Variants in SETBP1 observed in about 807,000 individuals in gnomAD.
The protein encoded by SETBP1 is SET-binding protein.
A neutral mutation model predicts 101.0 loss-of-function variants in SETBP1; 9 were observed. The ratio of observed to expected loss-of-function variants is 0.09; its 90% CI spans 0.05 to 0.16. The LOEUF (loss-of-function observed/expected upper bound fraction) is 0.16. Ranked by LOEUF, SETBP1 falls within the 10% of genes least tolerant of loss-of-function variation. The pLI, the probability that SETBP1 is intolerant of heterozygous loss-of-function variation, is 1.00. For missense variants in SETBP1, 1,858 were observed against 2,033.8 expected (o/e 0.91, Z 1.66); for synonymous variants, 818 against 788.5 (o/e 1.04, Z -0.63).
At chr18:45,005,999 G>A (rs958312044) in intron 4 of SETBP1, among the ~76,000 whole-genome samples, 4 of 139,686 alleles carry the variant, frequency 2.9e-5, no homozygotes, top group Non-Finnish European at 1.5e-5. Context: ...TGTTGCCCAG[G>A]CTGGAGTGCA....
At chr18:44,876,631 C>G in intron 3 of SETBP1, 1 of 1,551,628 alleles carries the variant, frequency 6.4e-7, no homozygotes, top group Non-Finnish European at 8.7e-7. Flanking sequence ...ATTCAAAAAG[C>G]AATTCCTGTC....
chr18:45,062,292 G>C (rs1401411122), intron 5 of SETBP1, among the ~76,000 whole-genome samples: 3 of 152,208 alleles, frequency 2.0e-5, no homozygotes, highest in African/African-American at 4.8e-5. Context: ...ACGCCAGCCT[G>C]GTAGGGGTAG....
At chr18:44,752,512 T>C (rs2070406737) in intron 2 of SETBP1, among the ~76,000 whole-genome samples, 1 of 152,170 alleles carries the variant, frequency 6.6e-6, no homozygotes, top group Non-Finnish European at 1.5e-5. Context: ...TGCAGCATGT[T>C]TTTGCACTCC....
chr18:44,913,474 A>G (rs2070359304), intron 3 of SETBP1, among the ~76,000 whole-genome samples: 1 of 152,258 alleles, frequency 6.6e-6, no homozygotes, highest in African/African-American at 2.4e-5. Flanking sequence ...AGACATGCAT[A>G]GAGGGTGCAG....
chr18:44,893,503 A>G (rs761236608), intron 3 of SETBP1, among the ~76,000 whole-genome samples: 2 of 152,160 alleles, frequency 1.3e-5, no homozygotes, highest in African/African-American at 4.8e-5. Flanking sequence ...GCTGGTGCAC[A>G]TAGTTAGTAG....
At chr18:44,900,599 A>G (rs1236996948) in intron 3 of SETBP1, among the ~76,000 whole-genome samples, 1 of 152,210 alleles carries the variant, frequency 6.6e-6, no homozygotes, top group African/African-American at 2.4e-5. Flanking sequence ...AAATTCGTTC[A>G]CAATGAATGC....
intron 4 of SETBP1, among the ~76,000 whole-genome samples, chr18:44,996,639 T>C (rs886165600): frequency 6.6e-6 from 1 of 152,242 alleles, no homozygotes; most frequent in Admixed American, 6.5e-5. Flanking sequence ...CCATTTGTGC[T>C]TCCACATACT....
intron 3 of SETBP1, among the ~76,000 whole-genome samples, chr18:44,884,810 A>G (rs1180980061): frequency 6.6e-6 from 1 of 152,178 alleles, no homozygotes; most frequent in Non-Finnish European, 1.5e-5. Flanking sequence ...CCAAAAATAA[A>G]TGGCATGGGT....
At chr18:45,034,999 C>A (rs2073368176) in intron 4 of SETBP1, among the ~76,000 whole-genome samples, 1 of 151,476 alleles carries the variant, frequency 6.6e-6, no homozygotes, top group Non-Finnish European at 1.5e-5. Flanking sequence ...TTCAAATGCC[C>A]CCCCCGCCCC....
intron 1 of SETBP1, among the ~76,000 whole-genome samples, chr18:44,685,701 G>A (rs141231426): frequency 7.6e-4 from 116 of 152,258 alleles, no homozygotes; most frequent in African/African-American, 2.7e-3. Flanking sequence ...TTGAACTCTG[G>A]GAGGATTTCC....
At position 44,687,361 on chromosome 18, in the gene SETBP1, C is replaced by T. The variant is rs148176638; in HGVS notation, c.-173+6340C>T. On this transcript the variant is annotated intron_variant, in intron 1 of 5. Coordinates refer to ENST00000649279, the MANE Select transcript of SETBP1 (RefSeq NM_015559.3). Reference sequence around the variant, plus strand: ...GCTCCTCAAACCCCTTTAATGGCGCCGCCAACAACTGTCCAAACCAATCCC... The same window carrying T: ...GCTCCTCAAACCCCTTTAATGGCGCTGCCAACAACTGTCCAAACCAATCCC... Among the ~76,000 whole-genome samples the T allele has an allele frequency of 1.6e-3, 248 of 152,284 alleles. 1 individual carries two copies. Among genetic ancestry groups the T allele is most frequent in the African/African-American group, 5.5e-3 (229 of 41,564 alleles).
chr18:44,903,253 T>C (rs1214586773), intron 3 of SETBP1, among the ~76,000 whole-genome samples: 2 of 152,126 alleles, frequency 1.3e-5, no homozygotes, highest in Admixed American at 6.5e-5. Context: ...AAAATAAAGC[T>C]CTTTTTCCCC....
chr18:44,957,600 G>C (rs1028471759), intron 4 of SETBP1, among the ~76,000 whole-genome samples: 2 of 152,118 alleles, frequency 1.3e-5, no homozygotes, highest in African/African-American at 4.8e-5. Context: ...TCTCCTTGTA[G>C]CTTCTTTCTT....
chr18:44,934,452 T>C (rs2070913836), intron 3 of SETBP1, among the ~76,000 whole-genome samples: 1 of 152,174 alleles, frequency 6.6e-6, no homozygotes, highest in South Asian at 2.1e-4. Context: ...CCCAGCCTGT[T>C]TTCTCCATTT....
At chr18:44,717,543 A>G (rs879548689) in intron 2 of SETBP1, among the ~76,000 whole-genome samples, 22 of 152,050 alleles carry the variant, frequency 1.4e-4, no homozygotes, top group South Asian at 6.2e-4. Flanking sequence ...CACTGCACAT[A>G]CTCCCATGTC....
At chr18:44,985,474 G>A (rs1465072288) in intron 4 of SETBP1, among the ~76,000 whole-genome samples, 2 of 152,038 alleles carry the variant, frequency 1.3e-5, no homozygotes, top group South Asian at 2.1e-4. Flanking sequence ...TTCTGGCTTG[G>A]GCTTAATACA....
At chr18:44,804,651 T>C (rs1385887399) in intron 2 of SETBP1, among the ~76,000 whole-genome samples, 2 of 152,146 alleles carry the variant, frequency 1.3e-5, no homozygotes, top group East Asian at 3.9e-4. Context: ...GAACATGCAG[T>C]TCTATCCACT....
Position 44,951,229 on chromosome 18 carries a change from C to A in SETBP1, c.1889C>A (p.Ala630Glu), listed in dbSNP as rs540801169. Reference protein sequence around the residue: ...TKKRKRRRNLAKLAQLVPGED... With the variant: ...TKKRKRRRNLEKLAQLVPGED... ...AAAAGAAAGCGACGACGCAATTTAG[C>A]GAAGTTGGCCCAGCTAGTGCCGGGA... is the stretch of plus-strand genomic sequence containing the variant. Residue 630 changes from alanine to glutamate, a missense_variant, in exon 4 of 6, where the codon GCG (alanine) becomes GAG (glutamate). Transcript: ENST00000649279. This position sits in a 1 kb window ranked among gnomAD's most constrained non-coding sequence, Gnocchi z 7.8. The A allele has an allele frequency of 3.1e-6, 5 of 1,613,914 alleles. No individual in the cohort carries two copies. The highest frequency in any genetic ancestry group is 4.2e-6 in the Non-Finnish European group (5 of 1,180,052).
rs376949450 is a variant in SETBP1 at position 45,067,743 on chromosome 18, A to G, written c.*4045A>G. On this transcript the variant is annotated 3_prime_UTR_variant, in exon 6 of 6. Transcript: ENST00000649279. ...TCTTGTTTCTTGGAGAGTTCACCCCACTGATGAGTCTTCCTTCCCTGTTGG... is the reference window on the plus strand; with the variant it reads ...TCTTGTTTCTTGGAGAGTTCACCCCGCTGATGAGTCTTCCTTCCCTGTTGG... 5 of 152,280 alleles carry G rather than the reference A, an allele frequency of 3.3e-5. No individual in the cohort carries two copies. Among genetic ancestry groups the G allele is most frequent in the African/African-American group, 1.2e-4 (5 of 41,556 alleles). 9.4% of individuals were successfully genotyped at this position (152,280 alleles called of 1,614,324 possible).
Sources: allele counts gnomAD v4.1 joint callset (sites outside exome capture counted in the v4.1 genomes callset), GRCh38; gene constraint gnomAD v4.1.1; non-coding constraint Gnocchi (gnomAD v3.1); transcripts MANE v1.5; gene names NCBI Gene and HGNC (gene_info 2026-07-23, HGNC 2026-07-21).